Variants in ITPK1 observed in about 807,000 individuals in gnomAD.
ITPK1 encodes the protein inositol 1,3,4-trisphosphate 5/6-kinase.
Under a neutral mutation model 45.3 loss-of-function variants are expected in ITPK1, and 21 were observed. The ratio of observed to expected loss-of-function variants is 0.46; its 90% CI spans 0.33 to 0.67. The LOEUF (loss-of-function observed/expected upper bound fraction) is 0.67. ITPK1 is among the 30% of genes least tolerant of loss of function. The pLI is 0.02. For missense variants in ITPK1, 474 were observed against 573.5 expected (o/e 0.83, Z 1.77); for synonymous variants, 258 against 253.6 (o/e 1.02, Z -0.16).
intron 10 of ITPK1, among the ~76,000 whole-genome samples, chr14:92,943,148 C>G (rs561850670): frequency 6.6e-6 from 1 of 152,256 alleles, no homozygotes; most frequent in Non-Finnish European, 1.5e-5. Flanking sequence ...TGGCACTGTG[C>G]GAGCGTCCCG....
rs780991056 is a variant in ITPK1 at position 92,941,507 on chromosome 14, C to T, written c.*54G>A. 1.4e-6 allele frequency: 2 copies of T among 1,460,584 alleles called. No individual in the cohort carries two copies. The highest frequency in any genetic ancestry group is 2.6e-5 in the East Asian group (1 of 37,886). The allele number at this position is 1,460,584 out of a possible 1,614,324, so 90.5% of individuals were successfully genotyped here. A position where few individuals can be genotyped will look rare whatever the true frequency, so the allele number is the denominator to read the frequency against. ...TAGCATCGCCGTTGGGAGCTGCTGG[C>T]CCAGCGGGTGTGCTCTGCGCCCTGC... On this transcript the variant is annotated 3_prime_UTR_variant, in exon 11 of 11. Transcript: ENST00000267615.
intron 4 of ITPK1, among the ~76,000 whole-genome samples, chr14:93,004,408 A>C (rs1766406348): frequency 1.3e-5 from 2 of 152,318 alleles, no homozygotes; most frequent in Non-Finnish European, 2.9e-5. Flanking sequence ...ATCAGCAGAC[A>C]CTTGGGTCTT....
At position 92,949,758 on chromosome 14, in the gene ITPK1, G is replaced by A. The variant is rs953057889; in HGVS notation, c.738+2188C>T. Among the ~76,000 whole-genome samples, 4 of 152,222 alleles carry A rather than the reference G, an allele frequency of 2.6e-5. No homozygotes were observed. In the South Asian group the frequency reaches 6.2e-4, roughly 24 times the overall value. On this transcript the variant is annotated intron_variant, in intron 9 of 10. Coordinates refer to ENST00000267615, the MANE Select transcript of ITPK1 (RefSeq NM_014216.6). ...GCACGCCATTTACAAAAGTGCTCTC[G>A]GCCTGGTTGCAGAATCTCAGAAATC... is the stretch of plus-strand genomic sequence containing the variant.
chr14:92,988,011 C>A (rs1886581162), intron 5 of ITPK1, among the ~76,000 whole-genome samples: 1 of 152,244 alleles, frequency 6.6e-6, no homozygotes, highest in Non-Finnish European at 1.5e-5. Context: ...CAAGCACAAT[C>A]CTGCTCTGCG....
chr14:93,029,483 C>T (rs1348217426), intron 3 of ITPK1, among the ~76,000 whole-genome samples: 1 of 151,986 alleles, frequency 6.6e-6, no homozygotes, highest in Non-Finnish European at 1.5e-5. Flanking sequence ...CGTCTCTGGG[C>T]AACAGAGCAG....
Position 92,939,765 on chromosome 14 carries a change from T to C in ITPK1, c.*1796A>G. ...ACCTGAGGCAGACTGGGATTGAAAT[T>C]TTATTTTTAAAAGGTAAAGCTGTTT... On this transcript the variant is annotated 3_prime_UTR_variant, in exon 11 of 11. Coordinates refer to ENST00000267615, the MANE Select transcript of ITPK1 (RefSeq NM_014216.6). 2 of 985,646 alleles carry C rather than the reference T, an allele frequency of 2.0e-6. No homozygotes were observed. The highest frequency in any genetic ancestry group is 2.4e-6 in the Non-Finnish European group (2 of 829,964). The allele number at this position is 985,646 out of a possible 1,614,324, so 61.1% of individuals were successfully genotyped here.
In ITPK1 at chr14:93,076,407, A is replaced by C. The variant is rs181125261; in HGVS notation, c.120+188T>G. On this transcript the variant is annotated intron_variant, in intron 3 of 10. Coordinates refer to ENST00000267615, the MANE Select transcript of ITPK1 (RefSeq NM_014216.6). This position sits in a 1 kb window ranked among gnomAD's most constrained non-coding sequence, Gnocchi z 4.3. Reference sequence around the variant, plus strand: ...GCCACAGCAACCCTCCAAACCCGAGAAGCCCCTGTCGGAGTCTGCCCAGGC... The same window carrying C: ...GCCACAGCAACCCTCCAAACCCGAGCAGCCCCTGTCGGAGTCTGCCCAGGC... Among the ~76,000 whole-genome samples the C allele has an allele frequency of 2.7e-3, 407 of 152,166 alleles. 10 individuals carry two copies. Among genetic ancestry groups the C allele is most frequent in the Admixed American group, 0.022 (343 of 15,282 alleles).
At chr14:93,098,609 T>C (rs1331897895) in intron 2 of ITPK1, among the ~76,000 whole-genome samples, 1 of 152,078 alleles carries the variant, frequency 6.6e-6, no homozygotes, top group Non-Finnish European at 1.5e-5. Flanking sequence ...CCCAAACTCA[T>C]TTCCCAGAGC....
intron 2 of ITPK1, among the ~76,000 whole-genome samples, chr14:93,093,381 G>A (rs1261890672): frequency 6.6e-6 from 1 of 152,194 alleles, no homozygotes; most frequent in Admixed American, 6.5e-5. Context: ...GCCGCCCCTG[G>A]CGTGGGGTGA....
Position 93,012,439 on chromosome 14 carries a change from G to A in ITPK1, c.246+4237C>T, listed in dbSNP as rs1887963541. 6.6e-6 allele frequency among the ~76,000 whole-genome samples: 1 copy of A among 152,200 alleles called. No individual in the cohort carries two copies. Among genetic ancestry groups the A allele is most frequent in the Admixed American group, 6.5e-5 (1 of 15,284 alleles). On this transcript the variant is annotated intron_variant, in intron 4 of 10. Coordinates refer to ENST00000267615, the MANE Select transcript of ITPK1 (RefSeq NM_014216.6). This position sits in a 1 kb window ranked among gnomAD's most constrained non-coding sequence, Gnocchi z 4.9. Reference sequence around the variant, plus strand: ...CATCAGAGCCTGGGCAGCTGCTGAGGGGGCCAGGGAAGGAGCGGGTGGGGC... The same window carrying A: ...CATCAGAGCCTGGGCAGCTGCTGAGAGGGCCAGGGAAGGAGCGGGTGGGGC...
intron 3 of ITPK1, among the ~76,000 whole-genome samples, chr14:93,061,325 G>A (rs982299346): frequency 2.6e-5 from 4 of 152,216 alleles, no homozygotes; most frequent in African/African-American, 9.7e-5. Context: ...CCTCGGTGCT[G>A]GGAAGAAGCA....
rs1887192271 is a variant in ITPK1 at position 92,937,859 on chromosome 14, A to G, written c.*3702T>C. ...GGGGTCGTGCTCCTTTAGGGCAGCC[A>G]GCACCCAGCTCAAGGTCTCTGAATC... On this transcript the variant is annotated 3_prime_UTR_variant, in exon 11 of 11. Transcript: ENST00000267615. 6.5e-6 allele frequency: 1 copy of G among 153,318 alleles called. No individual in the cohort carries two copies. The highest frequency in any genetic ancestry group is 1.5e-5 in the Non-Finnish European group (1 of 68,882). The allele number at this position is 153,318 out of a possible 1,614,324, so 9.5% of individuals were successfully genotyped here.
chr14:92,969,722 G>A (rs1294053043), intron 5 of ITPK1, among the ~76,000 whole-genome samples: 1 of 151,768 alleles, frequency 6.6e-6, no homozygotes, highest in Non-Finnish European at 1.5e-5. Flanking sequence ...AGAGCGGGGA[G>A]CCCGGGAGGC....
rs929690099 is a variant in ITPK1, at chr14:93,032,777, G to A, written c.121-15976C>T. On this transcript the variant is annotated intron_variant, in intron 3 of 10. Coordinates refer to ENST00000267615, the MANE Select transcript of ITPK1 (RefSeq NM_014216.6). The surrounding 1 kb of genome is among the most constrained non-coding windows in gnomAD (Gnocchi z 4.0). ...TGGCTGTGACCCTGGTGAGTTGCTG[G>A]GACTCACGAAGGGGCCATCGCACTC... is the stretch of plus-strand genomic sequence containing the variant. Among the ~76,000 whole-genome samples, 1 of 152,160 alleles carries A rather than the reference G, an allele frequency of 6.6e-6. No individual in the cohort carries two copies. Among genetic ancestry groups the A allele is most frequent in the African/African-American group, 2.4e-5 (1 of 41,424 alleles).
intron 2 of ITPK1, among the ~76,000 whole-genome samples, chr14:93,105,546 G>A (rs1259154273): frequency 2.0e-5 from 3 of 147,088 alleles, no homozygotes; most frequent in East Asian, 2.0e-4. Flanking sequence ...TTTTGGAGAC[G>A]GAGTCTTGCT....
At chr14:93,045,569 C>A (rs1889739424) in intron 3 of ITPK1, among the ~76,000 whole-genome samples, 1 of 152,142 alleles carries the variant, frequency 6.6e-6, no homozygotes. Context: ...AGAGGAGGAT[C>A]ACTGGAGCCC....
chr14:92,976,567 C>T (rs1257109567), intron 5 of ITPK1, among the ~76,000 whole-genome samples: 1 of 152,228 alleles, frequency 6.6e-6, no homozygotes, highest in African/African-American at 2.4e-5. Context: ...AATGAAGGCT[C>T]ATAGAGATGA....
chr14:92,996,328 C>T (rs1887054749), intron 4 of ITPK1, among the ~76,000 whole-genome samples: 1 of 151,818 alleles, frequency 6.6e-6, no homozygotes, highest in Non-Finnish European at 1.5e-5. Flanking sequence ...CAAACTATTG[C>T]GAGGACAGAA....
At chr14:92,944,118 G>A (rs1035460759) in intron 10 of ITPK1, among the ~76,000 whole-genome samples, 3 of 152,160 alleles carry the variant, frequency 2.0e-5, no homozygotes, top group Admixed American at 1.3e-4. Context: ...CAGCTGTTGC[G>A]GTTATTACTC....
Sources: allele counts gnomAD v4.1 joint callset (sites outside exome capture counted in the v4.1 genomes callset), GRCh38; gene constraint gnomAD v4.1.1; non-coding constraint Gnocchi (gnomAD v3.1); transcripts MANE v1.5; gene names NCBI Gene and HGNC (gene_info 2026-07-23, HGNC 2026-07-21).